Variants in MEOX1 observed in about 807,000 individuals in gnomAD.
The protein encoded by MEOX1 is homeobox protein MOX-1.
Under a neutral mutation model 23.2 loss-of-function variants are expected in MEOX1, and 17 were observed. The observed-to-expected ratio is 0.73, with a 90% CI of 0.50 to 1.10. The LOEUF is 1.10. Ranked by LOEUF, MEOX1 falls within the 50% of genes least tolerant of loss-of-function variation. MEOX1 has a pLI of 0.00. For synonymous variants in MEOX1, 134 were observed against 135.1 expected (o/e 0.99, Z 0.06); for missense variants, 333 against 332.2 (o/e 1.00, Z -0.02).
intron 1 of MEOX1, among the ~76,000 whole-genome samples, chr17:43,655,696 C>G (rs544762878): frequency 6.7e-6 from 1 of 148,518 alleles, no homozygotes; most frequent in East Asian, 2.0e-4. Context: ...AGAAGAAAAT[C>G]CTGTCACTTG....
rs1189189161 is a variant in MEOX1, at chr17:43,657,173, T to TC, written c.469+3892_469+3893insG. Among the ~76,000 whole-genome samples the TC allele has an allele frequency of 3.5e-3, 332 of 93,934 alleles. 1 individual carries two copies. The highest frequency in any genetic ancestry group is 5.0e-3 in the Non-Finnish European group (248 of 49,864). The allele number at this position is 93,934 out of a possible 152,430, so 61.6% of individuals were successfully genotyped here. ...CTCTCTCTTTCTTTCTTTCTTTCTT[T>TC]TTTTTTTTTTTTTTTGATGTAGTCC... is the stretch of plus-strand genomic sequence containing the variant. On this transcript the variant is annotated intron_variant, in intron 1 of 2. Coordinates refer to ENST00000318579, the MANE Select transcript of MEOX1 (RefSeq NM_004527.4).
At chr17:43,657,034 C>CTTTCTT (rs1973038965) in intron 1 of MEOX1, among the ~76,000 whole-genome samples, 1 of 130,358 alleles carries the variant, frequency 7.7e-6, no homozygotes, top group Non-Finnish European at 1.7e-5. Context: ...TTCTTTCTTT[C>CTTTCTT]TTTCTTTCTT....
rs112953392 is a variant in MEOX1 at position 43,645,419 on chromosome 17, T to C, written c.470-1759A>G. Among the ~76,000 whole-genome samples the C allele has an allele frequency of 9.5e-4, 145 of 152,214 alleles. 1 individual carries two copies. Among genetic ancestry groups the C allele is most frequent in the African/African-American group, 2.7e-3 (114 of 41,548 alleles). ...ATCTCGATCTCCTGACCTCGTGATCTGCCCGCCTTGGCCTCCCAAAGTGCT... is the reference window on the plus strand; with the variant it reads ...ATCTCGATCTCCTGACCTCGTGATCCGCCCGCCTTGGCCTCCCAAAGTGCT... On this transcript the variant is annotated intron_variant, in intron 1 of 2. Transcript: ENST00000318579.
intron 1 of MEOX1, among the ~76,000 whole-genome samples, chr17:43,644,606 T>G (rs1972768012): frequency 6.6e-6 from 1 of 152,210 alleles, no homozygotes; most frequent in Admixed American, 6.5e-5. Context: ...TCAGGCGATT[T>G]GACACACACA....
At chr17:43,652,659 G>A (rs981235116) in intron 1 of MEOX1, among the ~76,000 whole-genome samples, 4 of 151,984 alleles carry the variant, frequency 2.6e-5, no homozygotes, top group Admixed American at 6.6e-5. Flanking sequence ...TTGTTAATTC[G>A]CTTGACCTTA....
At position 43,661,247 on chromosome 17, in the gene MEOX1, G is replaced by A. The variant is rs780477990; in HGVS notation, c.288C>T (p.Phe96=). The change falls in exon 1 of 3, where the codon TTC becomes TTT. Residue 96 remains phenylalanine (F), a synonymous_variant. Transcript: ENST00000318579. ...PAFPQSPNWH[F]PVSDARRRPN... The stretch of plus-strand genomic sequence containing the variant: ...GCCTGCGCCGGGCGTCTGAGACAGG[G>A]AAGTGCCAGTTGGGGGACTGTGGGA... 3 of 1,609,974 alleles carry A rather than the reference G, an allele frequency of 1.9e-6. No individual in the cohort carries two copies. In the South Asian group the frequency reaches 3.3e-5, roughly 18 times the overall value.
In MEOX1 at chr17:43,657,456, G is replaced by A. The variant is rs12942922; in HGVS notation, c.469+3610C>T. Among the ~76,000 whole-genome samples, 1,414 of 151,770 alleles carry A rather than the reference G, an allele frequency of 9.3e-3. 28 individuals are homozygous for A. The highest frequency in any genetic ancestry group is 0.033 in the African/African-American group (1,361 of 41,334). ...CCTGGCTCAGCCTCCCAAAGTGCTG[G>A]GATTATAGGCATGAGCCACCGCGCC... On this transcript the variant is annotated intron_variant, in intron 1 of 2. Transcript: ENST00000318579.
chr17:43,652,825 C>CT (rs397856379), intron 1 of MEOX1, among the ~76,000 whole-genome samples: 7,736 of 70,924 alleles, frequency 0.11, 1,026 homozygotes, highest in East Asian at 0.24. Context: ...TCTACTATTG[C>CT]TTTTTTTTTT....
In MEOX1 at chr17:43,641,813, G is replaced by GGACAGAACTTCCTAGAAAATCCTAAGA; in HGVS notation, c.*96_*97insTCTTAGGATTTTCTAGGAAGTTCTGTC. 7.7e-7 allele frequency: 1 copy of GGACAGAACTTCCTAGAAAATCCTAAGA among 1,304,624 alleles called. No individual in the cohort carries two copies. Among genetic ancestry groups the GGACAGAACTTCCTAGAAAATCCTAAGA allele is most frequent in the Middle Eastern group, 1.9e-4 (1 of 5,226 alleles). 80.8% of individuals were successfully genotyped at this position (1,304,624 alleles called of 1,614,324 possible). On this transcript the variant is annotated 3_prime_UTR_variant, in exon 3 of 3. Coordinates refer to ENST00000318579, the MANE Select transcript of MEOX1 (RefSeq NM_004527.4). ...AGTCAGGGAAAGATGTGGAGAGGCT[G>GGACAGAACTTCCTAGAAAATCCTAAGA]CCCTGGCTGGGGAAGGAAGAGGGTG...
rs1004486691 is a variant in MEOX1 at position 43,641,586 on chromosome 17, GAGGCATGGGTGGC to G, written c.*311_*323del. Reference sequence around the variant, plus strand: ...TGACCTAGGAGAACAGCGGTAGGAGGAGGCATGGGTGGCAGCCAAGAGACGCTGAGAAGCAGTA... The same window carrying G: ...TGACCTAGGAGAACAGCGGTAGGAGGAGCCAAGAGACGCTGAGAAGCAGTA... On this transcript the variant is annotated 3_prime_UTR_variant, in exon 3 of 3. Transcript: ENST00000318579. 4 of 215,070 alleles carry G rather than the reference GAGGCATGGGTGGC, an allele frequency of 1.9e-5. No individual in the cohort carries two copies. Among genetic ancestry groups the G allele is most frequent in the Non-Finnish European group, 3.7e-5 (4 of 108,042 alleles). The allele number at this position is 215,070 out of a possible 1,614,324, so 13.3% of individuals were successfully genotyped here.
chr17:43,661,050 C>T lies in MEOX1; in HGVS notation c.469+16G>A. 2 of 1,462,932 alleles carry T rather than the reference C, an allele frequency of 1.4e-6. No individual in the cohort carries two copies. Among genetic ancestry groups the T allele is most frequent in the Non-Finnish European group, 1.8e-6 (2 of 1,095,112 alleles). 90.6% of individuals were successfully genotyped at this position (1,462,932 alleles called of 1,614,324 possible). A position where few individuals can be genotyped will look rare whatever the true frequency, so the allele number is the denominator to read the frequency against. ...CACACAGTAAAGGAATGATCAGCTG[C>T]TCCTGAGCCACCTACCTGAACTCTC... On this transcript the variant is annotated intron_variant, in intron 1 of 2. Transcript: ENST00000318579.
At position 43,643,616 on chromosome 17, in the gene MEOX1, G is replaced by A. The variant is rs147458484; in HGVS notation, c.514C>T (p.Arg172Cys). The A allele has an allele frequency of 7.4e-6, 12 of 1,613,306 alleles. No homozygotes were observed. The highest frequency in any genetic ancestry group is 2.2e-5 in the South Asian group (2 of 90,748). The change falls in exon 2 of 3, where the codon CGC becomes TGC. Residue 172 changes from arginine to cysteine, a missense_variant. Transcript: ENST00000318579. Reference protein sequence around the residue: ...RGKPEGSSKARKERTAFTKEQ... With the variant: ...RGKPEGSSKACKERTAFTKEQ... ...TTGGTGAAGGCCGTCCTCTCCTTGC[G>A]GGCTTTGCTGCTGCCCTCCGGCTTC...
intron 1 of MEOX1, among the ~76,000 whole-genome samples, chr17:43,644,523 A>C (rs1972766756): frequency 1.3e-5 from 2 of 152,228 alleles, no homozygotes; most frequent in Admixed American, 1.3e-4. Context: ...ATGGACCAGA[A>C]AACGAACACA....
chr17:43,652,098 A>G (rs1226350788), intron 1 of MEOX1, among the ~76,000 whole-genome samples: 1 of 152,166 alleles, frequency 6.6e-6, no homozygotes, highest in Non-Finnish European at 1.5e-5. Flanking sequence ...AGCTCTAATC[A>G]GGAGGCCGGG....
chr17:43,644,956 T>C (rs939004919), intron 1 of MEOX1, among the ~76,000 whole-genome samples: 2 of 152,058 alleles, frequency 1.3e-5, no homozygotes, highest in African/African-American at 4.8e-5. Context: ...GGTAAAGTCC[T>C]GAACAAATAA....
chr17:43,661,272 A>G lies in MEOX1; in HGVS notation c.263T>C (p.Phe88Ser), dbSNP rs1233448131. The change falls in exon 1 of 3, where the codon TTC (phenylalanine) becomes TCC (serine). Residue 88 changes from phenylalanine to serine, a missense_variant. Transcript: ENST00000318579. ...EHIFTEQHPA[F>S]PQSPNWHFPV... Reference sequence around the variant, plus strand: ...GAAGTGCCAGTTGGGGGACTGTGGGAAAGCGGGGTGCTGCTCAGTGAAGAT... The same window carrying G: ...GAAGTGCCAGTTGGGGGACTGTGGGGAAGCGGGGTGCTGCTCAGTGAAGAT... The G allele has an allele frequency of 6.2e-7, 1 of 1,609,440 alleles. No individual in the cohort carries two copies. Among genetic ancestry groups the G allele is most frequent in the South Asian group, 1.1e-5 (1 of 90,336 alleles).
intron 1 of MEOX1, among the ~76,000 whole-genome samples, chr17:43,660,404 G>A (rs1191423454): frequency 2.6e-5 from 4 of 152,230 alleles, no homozygotes; most frequent in African/African-American, 9.6e-5. Flanking sequence ...GGGTCAGCCA[G>A]ATCTCAGCAT....
rs774203911 is a variant in MEOX1, at chr17:43,641,992, C to T, written c.683G>A (p.Arg228His). Residue 228 changes from arginine (R) to histidine (H), a missense_variant, in exon 3 of 3, where the codon CGT becomes CAT. By Grantham distance (29) the Arg-to-His change is conservative (BLOSUM62 0). Coordinates refer to ENST00000318579, the MANE Select transcript of MEOX1 (RefSeq NM_004527.4). ...WFQNRRMKWK[R>H]VKGGQPISPN... ...GGAGATGGGCTGACCTCCCTTCACA[C>T]GCTTCCACTTCATCCTTCGGTTCTG... 3.7e-6 allele frequency: 6 copies of T among 1,614,054 alleles called. No homozygotes were observed. The highest frequency in any genetic ancestry group is 1.7e-4 in the Middle Eastern group (1 of 6,060).
At chr17:43,653,089 C>T (rs2154588923) in intron 1 of MEOX1, among the ~76,000 whole-genome samples, 1 of 151,450 alleles carries the variant, frequency 6.6e-6, no homozygotes, top group African/African-American at 2.4e-5. Context: ...GCCTCAGCCT[C>T]CCAAAGTGCT....
Sources: allele counts gnomAD v4.1 joint callset (sites outside exome capture counted in the v4.1 genomes callset), GRCh38; gene constraint gnomAD v4.1.1; transcripts MANE v1.5; gene names NCBI Gene and HGNC (gene_info 2026-07-23, HGNC 2026-07-21).